IQSEC3: variants seen among roughly 807,000 people sequenced by gnomAD.
IQSEC3 encodes the protein IQ motif and Sec7 domain ArfGEF 3.
IQSEC3 carries 50 observed loss-of-function variants against 105.4 expected under a neutral mutation model. The observed-to-expected ratio is 0.47, with a 90% confidence interval of 0.38 to 0.60. IQSEC3 has a LOEUF of 0.60. IQSEC3 is among the 20% of genes least tolerant of loss of function. IQSEC3 has a pLI of 0.00. For missense variants in IQSEC3, 1,415 were observed against 1,630.0 expected, an observed-to-expected ratio of 0.87 and a Z score of 2.27; for synonymous variants, 708 against 746.0, an observed-to-expected ratio of 0.95 and a Z score of 0.83.
intron 13 of IQSEC3, chr12:171,374 C>T (rs2137071088): frequency 6.5e-7 from 1 of 1,540,966 alleles, no homozygotes; most frequent in Non-Finnish European, 9.0e-7. Context: ...CTCTTTCTCC[C>T]CTTTCCCCAG....
chr12:138,814 C>G lies in IQSEC3; in HGVS notation c.1451C>G (p.Ala484Gly), dbSNP rs782798937. 1.2e-6 allele frequency: 2 copies of G among 1,610,224 alleles called. No individual in the cohort carries two copies. The highest frequency in any genetic ancestry group is 1.7e-6 in the Non-Finnish European group (2 of 1,179,112). ...PPAHSGTLMM[A>G]FRDVTVQIAN... ...GCCCACAGCGGGACCCTCATGATGGCTTTCCGGGACGTCACGGTGCAGATC... is the reference window on the plus strand; with the variant it reads ...GCCCACAGCGGGACCCTCATGATGGGTTTCCGGGACGTCACGGTGCAGATC... Residue 484 changes from alanine (A) to glycine (G), a missense_variant, in exon 4 of 14, where the codon GCT becomes GGT. By Grantham distance (60) the Ala-to-Gly change is moderately conservative. Transcript: ENST00000538872. The surrounding 1 kb of genome is among the most constrained non-coding windows in gnomAD (Gnocchi z 7.1).
intron 1 of IQSEC3, among the ~76,000 whole-genome samples, chr12:87,379 G>A (rs1863951568): frequency 6.6e-6 from 1 of 152,156 alleles, no homozygotes; most frequent in African/African-American, 2.4e-5. Flanking sequence ...TGAAAGTCAT[G>A]GGAGGGGAGT....
chr12:70,917 C>T (rs1370952354), intron 1 of IQSEC3, among the ~76,000 whole-genome samples: 2 of 152,286 alleles, frequency 1.3e-5, no homozygotes, highest in Non-Finnish European at 2.9e-5. Context: ...CTTCCTTTCA[C>T]ATCCCTCCTC....
At chr12:120,587 A>C (rs1358189563) in intron 2 of IQSEC3, among the ~76,000 whole-genome samples, 2 of 152,188 alleles carry the variant, frequency 1.3e-5, no homozygotes, top group African/African-American at 4.8e-5. Flanking sequence ...GGTGCCTAGC[A>C]TACCTCTAAG....
chr12:163,200 G>GC (rs1555096868), intron 8 of IQSEC3, among the ~76,000 whole-genome samples: 1 of 60,252 alleles, frequency 1.7e-5, no homozygotes, highest in Non-Finnish European at 3.1e-5. Context: ...CAGAACCGGA[G>GC]CCCTCCCCTC....
At chr12:83,469 G>A (rs1254303599) in intron 1 of IQSEC3, among the ~76,000 whole-genome samples, 1 of 152,040 alleles carries the variant, frequency 6.6e-6, no homozygotes, top group Non-Finnish European at 1.5e-5. Context: ...CTCACTTAGG[G>A]GGTGGCATCT....
intron 2 of IQSEC3, among the ~76,000 whole-genome samples, chr12:100,471 C>G (rs781978808): frequency 6.6e-6 from 1 of 152,210 alleles, no homozygotes; most frequent in Non-Finnish European, 1.5e-5. Flanking sequence ...GGGGCACAGA[C>G]AGCCACCCCG....
intron 9 of IQSEC3, among the ~76,000 whole-genome samples, chr12:165,056 C>G (rs1229131952): frequency 6.6e-6 from 1 of 152,124 alleles, no homozygotes; most frequent in Non-Finnish European, 1.5e-5. Flanking sequence ...AAAAAGCTGC[C>G]GGGAGAGCTG....
intron 1 of IQSEC3, among the ~76,000 whole-genome samples, chr12:77,147 G>C (rs1371045187): frequency 6.6e-6 from 1 of 152,258 alleles, no homozygotes; most frequent in Non-Finnish European, 1.5e-5. Flanking sequence ...GGATGCTTCC[G>C]AACCGGCATC....
chr12:132,281 G>A lies in IQSEC3; in HGVS notation c.904-5986G>A, dbSNP rs73601100. Among the ~76,000 whole-genome samples the A allele has an allele frequency of 6.0e-3, 914 of 152,262 alleles. 12 individuals carry two copies. Among genetic ancestry groups the A allele is most frequent in the African/African-American group, 0.021 (869 of 41,540 alleles). ...AGCAGGGAGCCTCGTGGGGGCGGTC[G>A]GGGGAGAGCAGGCAGGAGCTGCTGA... On this transcript the variant is annotated intron_variant, in intron 3 of 13. Transcript: ENST00000538872.
At chr12:110,740 A>G (rs1051622489) in intron 2 of IQSEC3, among the ~76,000 whole-genome samples, 1 of 152,190 alleles carries the variant, frequency 6.6e-6, no homozygotes, top group Non-Finnish European at 1.5e-5. Context: ...CTGCTCTGCT[A>G]AACCGAGGGG....
intron 2 of IQSEC3, among the ~76,000 whole-genome samples, chr12:108,116 C>T (rs1346447323): frequency 2.0e-5 from 3 of 152,220 alleles, no homozygotes; most frequent in African/African-American, 7.2e-5. Flanking sequence ...CTAACCCTAA[C>T]CCTAACCCTA....
intron 1 of IQSEC3, among the ~76,000 whole-genome samples, chr12:79,499 T>C (rs1591631550): frequency 6.6e-6 from 1 of 152,196 alleles, no homozygotes; most frequent in East Asian, 1.9e-4. Context: ...GGCACAATCA[T>C]TGCTCTCTGC....
chr12:173,291 G>A (rs1939104891), intron 13 of IQSEC3, among the ~76,000 whole-genome samples: 1 of 152,162 alleles, frequency 6.6e-6, no homozygotes, highest in Admixed American at 6.5e-5. Context: ...TGAGGTTGGA[G>A]GCTGAGAAGG....
chr12:74,547 T>C (rs1474540404), intron 1 of IQSEC3, among the ~76,000 whole-genome samples: 1 of 152,278 alleles, frequency 6.6e-6, no homozygotes, highest in Non-Finnish European at 1.5e-5. Flanking sequence ...TATGTAACTC[T>C]TCAAGACTGG....
At chr12:145,851 C>T (rs782797158) in intron 5 of IQSEC3, among the ~76,000 whole-genome samples, 16 of 152,220 alleles carry the variant, frequency 1.1e-4, no homozygotes, top group Non-Finnish European at 1.8e-4. Flanking sequence ...TGTGAGCGGC[C>T]TCTTTCTGGC....
chr12:140,786 G>A, intron 4 of IQSEC3: 1 of 255,058 alleles, frequency 3.9e-6, no homozygotes, highest in East Asian at 7.5e-5. Context: ...CCAGGGTTGG[G>A]GCGTCTGCGG....
At chr12:122,758 GC>G (rs1865261363) in intron 2 of IQSEC3, among the ~76,000 whole-genome samples, 1 of 152,192 alleles carries the variant, frequency 6.6e-6, no homozygotes. Flanking sequence ...GCCGAGTGCT[GC>G]CATCAAGGGA....
In IQSEC3 at chr12:138,730, C is replaced by T. The variant is rs1555087596; in HGVS notation, c.1367C>T (p.Pro456Leu). ...PPGLEAEGRAPESAGPGPGDD... is the reference protein window; with the variant it reads ...PPGLEAEGRALESAGPGPGDD... ...GGCCTGGAGGCCGAGGGGCGGGCGCCGGAGAGCGCGGGCCCCGGGCCCGGG... is the reference window on the plus strand; with the variant it reads ...GGCCTGGAGGCCGAGGGGCGGGCGCTGGAGAGCGCGGGCCCCGGGCCCGGG... The change falls in exon 4 of 14, where the codon CCG (proline) becomes CTG (leucine). Residue 456 changes from proline to leucine, a missense_variant. Coordinates refer to ENST00000538872, the MANE Select transcript of IQSEC3 (RefSeq NM_001170738.2). The surrounding 1 kb of genome is among the most constrained non-coding windows in gnomAD (Gnocchi z 7.1). 2.7e-6 allele frequency: 4 copies of T among 1,501,710 alleles called. No individual in the cohort carries two copies. The highest frequency in any genetic ancestry group is 1.3e-5 in the South Asian group (1 of 78,814). The allele number at this position is 1,501,710 out of a possible 1,614,324, so 93.0% of individuals were successfully genotyped here. A position where few individuals can be genotyped will look rare whatever the true frequency, so the allele number is the denominator to read the frequency against.
Sources: allele counts gnomAD v4.1 joint callset (sites outside exome capture counted in the v4.1 genomes callset), GRCh38; gene constraint gnomAD v4.1.1; non-coding constraint Gnocchi (gnomAD v3.1); transcripts MANE v1.5; gene names NCBI Gene and HGNC (gene_info 2026-07-23, HGNC 2026-07-21).